MID1: variants seen among roughly 807,000 people sequenced by gnomAD.
The protein encoded by MID1 is E3 ubiquitin-protein ligase Midline-1.
MID1 carries 7 observed loss-of-function variants against 40.4 expected under a neutral mutation model. The ratio of observed to expected loss-of-function variants is 0.17; its 90% confidence interval spans 0.10 to 0.33. MID1 has a LOEUF of 0.33. Ranked by LOEUF, MID1 falls within the 10% of genes least tolerant of loss-of-function variation. The pLI is 1.00. For synonymous variants in MID1, 229 were observed against 221.2 expected, an observed-to-expected ratio of 1.04 and a Z score of -0.31; for missense variants, 367 against 558.5, an observed-to-expected ratio of 0.66 and a Z score of 3.46.
intron 3 of MID1, among the ~76,000 whole-genome samples, chrX:10,499,179 C>T (rs1373184849): frequency 8.9e-6 from 1 of 111,839 alleles, no homozygotes; most frequent in Non-Finnish European, 1.9e-5. Flanking sequence ...TTTTGACTTA[C>T]ATTTTCCTGA....
At chrX:10,637,487 T>C (rs1287433504) in intron 1 of MID1, among the ~76,000 whole-genome samples, 1 of 109,336 alleles carries the variant, frequency 9.1e-6, no homozygotes, top group Non-Finnish European at 1.9e-5. Flanking sequence ...TAGCCAGGCA[T>C]GGTGGTGCAC....
chrX:10,516,560 TTGTGTGTGTGTGTGTG>T (rs57101806), intron 3 of MID1, among the ~76,000 whole-genome samples: 50 of 73,357 alleles, frequency 6.8e-4, no homozygotes, highest in Non-Finnish European at 9.5e-4. Context: ...TACTCTGCTC[TTGTGTGTGTGTGTGTG>T]TGTGTGTGTG....
intron 1 of MID1, among the ~76,000 whole-genome samples, chrX:10,762,884 G>T (rs749599109): frequency 8.9e-6 from 1 of 112,042 alleles, no homozygotes; most frequent in East Asian, 2.8e-4. Flanking sequence ...TTAAACCCAT[G>T]ATCCACTGTG....
intron 1 of MID1, among the ~76,000 whole-genome samples, chrX:10,652,882 C>T (rs747706890): frequency 8.9e-6 from 1 of 112,040 alleles, no homozygotes; most frequent in East Asian, 2.8e-4. Flanking sequence ...AAAGGCCTTC[C>T]TAGACACCTT....
intron 1 of MID1, among the ~76,000 whole-genome samples, chrX:10,682,663 A>C (rs893891445): frequency 2.7e-5 from 3 of 111,665 alleles, no homozygotes; most frequent in African/African-American, 9.7e-5. Flanking sequence ...AGTTCAATGG[A>C]GACAAGGATA....
chrX:10,613,728 T>TAG (rs1247275464), intron 1 of MID1, among the ~76,000 whole-genome samples: 205 of 39,960 alleles, frequency 5.1e-3, no homozygotes, highest in East Asian at 8.6e-3. Context: ...TATATATATA[T>TAG]ATATAGAGAG....
rs770524801 is a variant in MID1 at position 10,637,630 on chromosome X, A to G, written c.-186-17211T>C. Among the ~76,000 whole-genome samples, 35 of 110,573 alleles carry G rather than the reference A, an allele frequency of 3.2e-4. No individual in the cohort carries two copies. The South Asian group carries it at 6.6e-3, about 21-fold the overall frequency. ...ACAGAGCAAGACTCCATCTAAAAAAAAAAAAAAGAAAGAAAGAAAGACCTA... is the reference window on the plus strand; with the variant it reads ...ACAGAGCAAGACTCCATCTAAAAAAGAAAAAAAGAAAGAAAGAAAGACCTA... On this transcript the variant is annotated intron_variant, in intron 1 of 10. Transcript: ENST00000380785.
chrX:10,650,346 T>C (rs1936304199), intron 1 of MID1, among the ~76,000 whole-genome samples: 2 of 110,139 alleles, frequency 1.8e-5, no homozygotes. Context: ...AACAATTACT[T>C]CTCCCTCCCC....
At chrX:10,718,655 C>G (rs1039859575) in intron 1 of MID1, among the ~76,000 whole-genome samples, 7 of 111,658 alleles carry the variant, frequency 6.3e-5, no homozygotes, top group Admixed American at 4.8e-4. Context: ...TGAAACGATT[C>G]CAATCAATAG....
At chrX:10,586,749 A>G (rs992943839) in intron 1 of MID1, among the ~76,000 whole-genome samples, 1 of 112,544 alleles carries the variant, frequency 8.9e-6, no homozygotes, top group African/African-American at 3.2e-5. Flanking sequence ...GGGCCCTTAG[A>G]CATGCAGGCC....
At chrX:10,642,895 CA>C (rs1396966865) in intron 1 of MID1, among the ~76,000 whole-genome samples, 1 of 110,762 alleles carries the variant, frequency 9.0e-6, no homozygotes, top group Non-Finnish European at 1.9e-5. Context: ...ACAAACCTGA[CA>C]AAAACAAGAA....
intron 2 of MID1, among the ~76,000 whole-genome samples, chrX:10,533,143 C>G (rs931889792): frequency 9.1e-6 from 1 of 109,295 alleles, no homozygotes; most frequent in African/African-American, 3.3e-5. Context: ...GAAAAGTATA[C>G]AAAACTCACA....
At chrX:10,565,002 TAAAAA>T (rs5901437) in intron 2 of MID1, among the ~76,000 whole-genome samples, 34 of 77,918 alleles carry the variant, frequency 4.4e-4, no homozygotes, top group African/African-American at 1.5e-3. Flanking sequence ...AAAAAAGGGG[TAAAAA>T]AAAAAAAAAA....
chrX:10,768,054 C>A (rs2043742987), intron 1 of MID1, among the ~76,000 whole-genome samples: 1 of 111,431 alleles, frequency 9.0e-6, no homozygotes, highest in African/African-American at 3.3e-5. Context: ...AGAATTTTTG[C>A]TAATTAAGTT....
At chrX:10,549,442 C>T (rs1428010668) in intron 2 of MID1, among the ~76,000 whole-genome samples, 3 of 113,146 alleles carry the variant, frequency 2.7e-5, no homozygotes, top group Non-Finnish European at 5.6e-5. Context: ...GGGCCAAATC[C>T]GGCCAGTCAC....
rs751974509 is a variant in MID1 at position 10,627,979 on chromosome X, C to T, written c.-186-7560G>A. Among the ~76,000 whole-genome samples the T allele has an allele frequency of 9.8e-5, 11 of 111,960 alleles. No individual in the cohort carries two copies. The South Asian group carries it at 4.1e-3, about 42-fold the overall frequency. On this transcript the variant is annotated intron_variant, in intron 1 of 10. Coordinates refer to the MID1 transcript ENST00000380785. ...TCTGATTGGTGAAAATCCTCTCCCACTTCACACATACCTGGATCTAAGATG... is the reference window on the plus strand; with the variant it reads ...TCTGATTGGTGAAAATCCTCTCCCATTTCACACATACCTGGATCTAAGATG...
chrX:10,532,211 C>A (rs1010568797), intron 2 of MID1, among the ~76,000 whole-genome samples: 2 of 112,152 alleles, frequency 1.8e-5, no homozygotes, highest in African/African-American at 6.5e-5. Flanking sequence ...AGGCCACAGG[C>A]AGGGCACTGT....
At chrX:10,654,406 T>C (rs1329874730) in intron 1 of MID1, among the ~76,000 whole-genome samples, 1 of 111,849 alleles carries the variant, frequency 8.9e-6, no homozygotes, top group East Asian at 2.8e-4. Context: ...ACCGGTTTCA[T>C]GGAAGACAAT....
At chrX:10,818,564 T>C (rs1602596477) in intron 1 of MID1, among the ~76,000 whole-genome samples, 1 of 111,885 alleles carries the variant, frequency 8.9e-6, no homozygotes, top group East Asian at 2.8e-4. Context: ...CAACTTTGAG[T>C]GATTTGGAGT....
Sources: allele counts gnomAD v4.1 joint callset (sites outside exome capture counted in the v4.1 genomes callset), GRCh38; gene constraint gnomAD v4.1.1; transcripts MANE v1.5; gene names NCBI Gene and HGNC (gene_info 2026-07-23, HGNC 2026-07-21).